Variants in MYO16 observed in about 807,000 individuals in gnomAD.
MYO16 encodes the protein unconventional myosin-XVI.
MYO16 carries 94 observed loss-of-function variants against 205.3 expected under a neutral mutation model. The observed-to-expected ratio is 0.46, with a 90% confidence interval of 0.39 to 0.54. MYO16 has a LOEUF of 0.54. Among genes scored for constraint, MYO16 ranks in the 20% least tolerant of loss-of-function variants. The pLI, the probability that MYO16 is intolerant of heterozygous loss-of-function variation, is 0.00. For synonymous variants in MYO16, 988 were observed against 954.0 expected (o/e 1.04, Z -0.66); for missense variants, 2,315 against 2,387.5 (o/e 0.97, Z 0.63).
intron 34 of MYO16, among the ~76,000 whole-genome samples, chr13:109,198,891 G>A (rs919714304): frequency 1.3e-5 from 2 of 152,072 alleles, no homozygotes; most frequent in African/African-American, 4.8e-5. Flanking sequence ...TTCCATCCCA[G>A]GCATTCCGGC....
intron 20 of MYO16, among the ~76,000 whole-genome samples, chr13:108,987,616 G>A (rs1001630275): frequency 6.6e-6 from 1 of 152,174 alleles, no homozygotes; most frequent in African/African-American, 2.4e-5. Flanking sequence ...GATCCCAAGG[G>A]CAGTAAGTCT....
intron 12 of MYO16, among the ~76,000 whole-genome samples, chr13:108,871,603 T>A (rs1051544586): frequency 1.3e-5 from 2 of 152,146 alleles, no homozygotes; most frequent in Non-Finnish European, 2.9e-5. Context: ...CCCTTACGGG[T>A]CTCAGGTGGA....
intron 23 of MYO16, among the ~76,000 whole-genome samples, chr13:109,040,361 T>TACACACACACAC (rs367712905): frequency 2.5e-4 from 28 of 112,940 alleles, no homozygotes; most frequent in African/African-American, 9.7e-4. Flanking sequence ...GACAGTAGCA[T>TACACACACACAC]ACACACACAC....
chr13:108,730,277 G>A (rs1490798533), intron 4 of MYO16, among the ~76,000 whole-genome samples: 1 of 152,090 alleles, frequency 6.6e-6, no homozygotes, highest in Non-Finnish European at 1.5e-5. Context: ...TATTTCTCCT[G>A]CTGCCCTATG....
intron 21 of MYO16, among the ~76,000 whole-genome samples, chr13:109,004,920 C>T (rs1304494073): frequency 1.3e-5 from 2 of 152,198 alleles, no homozygotes; most frequent in Non-Finnish European, 1.5e-5. Flanking sequence ...GGTATGTTCT[C>T]ATCCGAAGCA....
At chr13:108,524,958 G>T in the MYO16 span, among the ~76,000 whole-genome samples, 6 of 152,208 alleles carry the variant, frequency 3.9e-5, no homozygotes, top group Non-Finnish European at 7.4e-5. Context: ...CTGATTTCAA[G>T]TTAAAATGAT....
chr13:108,546,586 T>C, the MYO16 span, among the ~76,000 whole-genome samples: 1 of 152,162 alleles, frequency 6.6e-6, no homozygotes, highest in Non-Finnish European at 1.5e-5. Flanking sequence ...GCTCTCTGAA[T>C]GTTTATTGTC....
chr13:109,091,119 G>A (rs1007286464), intron 27 of MYO16, among the ~76,000 whole-genome samples: 2 of 152,188 alleles, frequency 1.3e-5, no homozygotes, highest in African/African-American at 4.8e-5. Flanking sequence ...TAAGTTCATA[G>A]AATGGGGGAA....
chr13:108,552,862 C>T, the MYO16 span, among the ~76,000 whole-genome samples: 1 of 152,084 alleles, frequency 6.6e-6, no homozygotes, highest in Non-Finnish European at 1.5e-5. Context: ...TGTACCATCA[C>T]ATGGTAGAAT....
chr13:109,176,965 T>A (rs1404099626), intron 33 of MYO16, among the ~76,000 whole-genome samples: 1 of 152,242 alleles, frequency 6.6e-6, no homozygotes, highest in South Asian at 2.1e-4. Flanking sequence ...ATTACTTAGA[T>A]AAAATGGTGT....
At chr13:108,853,954 T>TTGTGTGTG (rs5806760) in intron 10 of MYO16, among the ~76,000 whole-genome samples, 18,534 of 138,148 alleles carry the variant, frequency 0.13, 1,433 homozygotes, top group African/African-American at 0.19. Flanking sequence ...GTTTCTATTA[T>TTGTGTGTG]TGTGTGTGTG....
At chr13:108,868,925 A>AAG (rs1287649692) in intron 12 of MYO16, among the ~76,000 whole-genome samples, 1 of 151,930 alleles carries the variant, frequency 6.6e-6, no homozygotes, top group Non-Finnish European at 1.5e-5. Flanking sequence ...GTCAAAAAAA[A>AAG]AAAAAAAATC....
At chr13:108,987,973 G>A (rs1884695538) in intron 20 of MYO16, among the ~76,000 whole-genome samples, 1 of 152,198 alleles carries the variant, frequency 6.6e-6, no homozygotes, top group Non-Finnish European at 1.5e-5. Context: ...TTTGTCTGAT[G>A]TAAAGGGTGT....
chr13:109,143,898 T>C (rs1877210147), intron 32 of MYO16, among the ~76,000 whole-genome samples: 2 of 152,216 alleles, frequency 1.3e-5, no homozygotes, highest in African/African-American at 4.8e-5. Flanking sequence ...AACTTTGGCC[T>C]TTGGCATAGT....
At chr13:109,029,078 G>GCCAACCTC (rs1393003071) in intron 23 of MYO16, among the ~76,000 whole-genome samples, 3 of 150,066 alleles carry the variant, frequency 2.0e-5, no homozygotes, top group African/African-American at 4.9e-5. Context: ...AGTGATGAAA[G>GCCAACCTC]CCAACCTCTT....
chr13:108,508,513 TC>T, the MYO16 span, among the ~76,000 whole-genome samples: 1 of 152,170 alleles, frequency 6.6e-6, no homozygotes, highest in Non-Finnish European at 1.5e-5. Context: ...TCTCAGTGGC[TC>T]CCAGGGATCT....
At chr13:108,839,864 G>A (rs1384923088) in intron 9 of MYO16, among the ~76,000 whole-genome samples, 1 of 152,192 alleles carries the variant, frequency 6.6e-6, no homozygotes. Flanking sequence ...CCATGGAATA[G>A]TAACAAGCTA....
chr13:109,043,806 A>T (rs897145732), intron 23 of MYO16, among the ~76,000 whole-genome samples: 1 of 152,174 alleles, frequency 6.6e-6, no homozygotes, highest in Admixed American at 6.5e-5. Flanking sequence ...AGCAGTGAAC[A>T]TGAGGAAGGA....
chr13:109,128,489 C>T (rs1046203792), intron 31 of MYO16, among the ~76,000 whole-genome samples: 1 of 152,096 alleles, frequency 6.6e-6, no homozygotes, highest in African/African-American at 2.4e-5. Flanking sequence ...TACAAAAACA[C>T]AGCAAATCCA....
Sources: allele counts gnomAD v4.1 joint callset (sites outside exome capture counted in the v4.1 genomes callset), GRCh38; gene constraint gnomAD v4.1.1; transcripts MANE v1.5; gene names NCBI Gene and HGNC (gene_info 2026-07-23, HGNC 2026-07-21).